ARHGAP15: variants seen among roughly 807,000 people sequenced by gnomAD.
ARHGAP15 encodes rho GTPase-activating protein 15.
In ARHGAP15, 51 loss-of-function variants were observed where a neutral mutation model predicts 63.7. The ratio of observed to expected loss-of-function variants is 0.80; its 90% CI spans 0.64 to 1.01. The LOEUF (loss-of-function observed/expected upper bound fraction) is 1.01, where lower values mean the gene tolerates loss of function less well. Among genes scored for constraint, ARHGAP15 ranks in the 50% least tolerant of loss-of-function variants. The pLI is 0.00. For missense variants in ARHGAP15, 560 were observed against 564.6 expected (o/e 0.99, Z 0.08); for synonymous variants, 191 against 193.8 (o/e 0.99, Z 0.12).
intron 6 of ARHGAP15, among the ~76,000 whole-genome samples, chr2:143,346,214 TCTCTCTCACACACA>T (rs1343445634): frequency 8.2e-5 from 10 of 122,412 alleles, no homozygotes; most frequent in African/African-American, 1.2e-4. Flanking sequence ...ACACACACAC[TCTCTCTCACACACA>T]CTCTCTCTCA....
intron 6 of ARHGAP15, among the ~76,000 whole-genome samples, chr2:143,301,646 G>T (rs1682900188): frequency 6.6e-6 from 1 of 151,830 alleles, no homozygotes; most frequent in Admixed American, 6.6e-5. Flanking sequence ...TTTCTGGGTT[G>T]CAAAGAGTTT....
intron 12 of ARHGAP15, among the ~76,000 whole-genome samples, chr2:143,635,194 C>CTTTTTTTTTTTTTTTT (rs10558886): frequency 1.1e-4 from 3 of 26,882 alleles, no homozygotes; most frequent in South Asian, 2.0e-3. Context: ...CTCTCAGGAG[C>CTTTTTTTTTTTTTTTT]TTTTTTTTTT....
intron 8 of ARHGAP15, among the ~76,000 whole-genome samples, chr2:143,459,436 A>G (rs1224573999): frequency 2.0e-5 from 3 of 152,146 alleles, no homozygotes; most frequent in African/African-American, 7.2e-5. Flanking sequence ...AAATAAAACT[A>G]AAGTAAGAAA....
At chr2:143,680,333 T>C (rs1250196605) in intron 12 of ARHGAP15, among the ~76,000 whole-genome samples, 3 of 152,208 alleles carry the variant, frequency 2.0e-5, no homozygotes, top group African/African-American at 7.2e-5. Context: ...TTTTATACAA[T>C]AATGTGGAAA....
chr2:143,580,554 C>T (rs1696858186), intron 11 of ARHGAP15, among the ~76,000 whole-genome samples: 1 of 152,092 alleles, frequency 6.6e-6, no homozygotes, highest in Non-Finnish European at 1.5e-5. Context: ...TTCAAAACTC[C>T]ACTGAGGTTC....
At chr2:143,169,193 A>G (rs1215361512) in intron 2 of ARHGAP15, among the ~76,000 whole-genome samples, 3 of 152,028 alleles carry the variant, frequency 2.0e-5, no homozygotes, top group Non-Finnish European at 4.4e-5. Flanking sequence ...TATTTGTGAC[A>G]TGTCTCAAAA....
intron 6 of ARHGAP15, among the ~76,000 whole-genome samples, chr2:143,373,629 C>CAAAAAAAAAAA (rs58153000): frequency 3.2e-5 from 2 of 62,954 alleles, no homozygotes; most frequent in African/African-American, 5.2e-5. Flanking sequence ...GACTCTATCT[C>CAAAAAAAAAAA]AAAAAAAAAA....
At chr2:143,388,687 T>C (rs72852747) in intron 6 of ARHGAP15, among the ~76,000 whole-genome samples, 11,268 of 152,258 alleles carry the variant, frequency 0.074, 522 homozygotes, top group Non-Finnish European at 0.11. Flanking sequence ...TTTTCAAATT[T>C]CTCATCAAGT....
At chr2:143,347,018 C>T (rs554032534) in intron 6 of ARHGAP15, among the ~76,000 whole-genome samples, 5 of 151,966 alleles carry the variant, frequency 3.3e-5, no homozygotes, top group African/African-American at 7.2e-5. Flanking sequence ...ATGTACAAAT[C>T]GAGAGGTCTT....
intron 6 of ARHGAP15, among the ~76,000 whole-genome samples, chr2:143,395,799 T>A (rs746298496): frequency 5.9e-5 from 9 of 151,984 alleles, no homozygotes; most frequent in Non-Finnish European, 1.2e-4. Context: ...CAGAAAGGCA[T>A]AAGGCCTGTG....
intron 12 of ARHGAP15, among the ~76,000 whole-genome samples, chr2:143,672,860 G>T (rs994166155): frequency 6.6e-6 from 1 of 152,108 alleles, no homozygotes; most frequent in South Asian, 2.1e-4. Flanking sequence ...CAACAATTTT[G>T]CATTCCTGTA....
intron 11 of ARHGAP15, among the ~76,000 whole-genome samples, chr2:143,610,769 C>T (rs1468745285): frequency 6.6e-6 from 1 of 152,112 alleles, no homozygotes; most frequent in Non-Finnish European, 1.5e-5. Context: ...CACTCTGTCA[C>T]CCAGGGTACA....
intron 10 of ARHGAP15, among the ~76,000 whole-genome samples, chr2:143,520,188 T>C (rs191289922): frequency 1.9e-4 from 29 of 152,284 alleles, no homozygotes; most frequent in Admixed American, 6.5e-4. Context: ...GAAAAAAGGA[T>C]TGGTGAACCT....
intron 6 of ARHGAP15, among the ~76,000 whole-genome samples, chr2:143,413,383 C>A (rs1027475484): frequency 6.6e-6 from 1 of 152,090 alleles, no homozygotes; most frequent in Non-Finnish European, 1.5e-5. Context: ...TGCCTCAGGG[C>A]CCCTTTACCT....
intron 4 of ARHGAP15, among the ~76,000 whole-genome samples, chr2:143,227,687 A>G (rs748779221): frequency 1.3e-5 from 2 of 152,160 alleles, no homozygotes; most frequent in Non-Finnish European, 2.9e-5. Context: ...ATTCTTCTAC[A>G]GCATAGGGTT....
intron 6 of ARHGAP15, among the ~76,000 whole-genome samples, chr2:143,416,844 C>T (rs1574418452): frequency 2.0e-5 from 1 of 51,128 alleles, no homozygotes; most frequent in Non-Finnish European, 4.2e-5. Context: ...CACGCCCCCA[C>T]GCCCCCACGC....
At chr2:143,746,704 T>C (rs1018521720) in intron 13 of ARHGAP15, among the ~76,000 whole-genome samples, 2 of 152,168 alleles carry the variant, frequency 1.3e-5, no homozygotes, top group Non-Finnish European at 2.9e-5. Context: ...GTAAAACATA[T>C]GTGAATGAAA....
chr2:143,695,384 G>A (rs142663927), intron 12 of ARHGAP15, among the ~76,000 whole-genome samples: 1 of 152,228 alleles, frequency 6.6e-6, no homozygotes, highest in African/African-American at 2.4e-5. Context: ...AGGACAATAG[G>A]ATCATGCTTT....
chr2:143,388,963 G>T (rs1310919383), intron 6 of ARHGAP15, among the ~76,000 whole-genome samples: 1 of 151,544 alleles, frequency 6.6e-6, no homozygotes, highest in South Asian at 2.1e-4. Context: ...TTTTAATTTG[G>T]TAAACTAGTA....
Sources: gnomAD v4.1 joint callset for allele counts (sites outside exome capture counted in the v4.1 genomes callset) on GRCh38, gnomAD v4.1.1 for gene constraint, MANE v1.5 for transcripts, NCBI Gene and HGNC (gene_info 2026-07-23, HGNC 2026-07-21) for gene names.